The following IFT22 variants were observed in gnomAD, a reference collection of about 807,000 sequenced individuals.
IFT22 encodes intraflagellar transport 22, also known as intraflagellar transport protein 22 homolog.
Under a neutral mutation model 21.0 loss-of-function variants are expected in IFT22, and 13 were observed. The ratio of observed to expected loss-of-function variants is 0.62; its 90% confidence interval spans 0.40 to 0.98. The LOEUF is 0.98. IFT22 is among the 50% of genes least tolerant of loss of function. IFT22 has a pLI of 0.00. For synonymous variants in IFT22, 67 were observed against 82.4 expected, an observed-to-expected ratio of 0.81 and a Z score of 1.01; for missense variants, 227 against 228.9, an observed-to-expected ratio of 0.99 and a Z score of 0.06.
chr7:101,315,209 G>T lies in IFT22; in HGVS notation c.483C>A (p.Phe161Leu). ...EDDPEEIRMEFIKYLKSIINS... is the reference protein window; with the variant it reads ...EDDPEEIRMELIKYLKSIINS... ...TGATTATGCTTTTTAAATACTTTAT[G>T]AATTCCATCCGGATCTCCTCAGGGT... Residue 161 changes from phenylalanine (F) to leucine (L), a missense_variant, in exon 5 of 5, where the codon TTC (phenylalanine) becomes TTA (leucine). Transcript: ENST00000315322. The T allele has an allele frequency of 6.2e-7, 1 of 1,614,080 alleles. No individual in the cohort carries two copies. The highest frequency in any genetic ancestry group is 8.5e-7 in the Non-Finnish European group (1 of 1,179,998).
Position 101,318,990 on chromosome 7 carries a change from C to T in IFT22, c.82G>A (p.Asp28Asn). ...VLANFLTESS[D>N]ITEYSPTQGV... ...TGGGTTGGGCTGTATTCAGTGATGT[C>T]AGAAGATTCTGTCAGAAAGTTGGCC... Residue 28 changes from aspartate to asparagine, a missense_variant, in exon 2 of 5, where the codon GAC (aspartate) becomes AAC (asparagine). Coordinates refer to ENST00000315322, the MANE Select transcript of IFT22 (RefSeq NM_022777.4). 1 of 1,613,974 alleles carries T rather than the reference C, an allele frequency of 6.2e-7. No individual in the cohort carries two copies. Among genetic ancestry groups the T allele is most frequent in the Non-Finnish European group, 8.5e-7 (1 of 1,179,918 alleles).
At chr7:101,318,259 C>A (rs1790221873) in intron 2 of IFT22, 46 bp from the exon 3 acceptor site, 1 of 1,492,546 alleles carries the variant, frequency 6.7e-7, no homozygotes. Context: ...GTGGCTCACG[C>A]CTGTAATCTC....
chr7:101,320,210 G>C (rs1215822151), intron 1 of IFT22, among the ~76,000 whole-genome samples: 1 of 151,624 alleles, frequency 6.6e-6, no homozygotes, highest in Non-Finnish European at 1.5e-5. Flanking sequence ...ACCTGCATTG[G>C]CCTCCCAAAG....
At chr7:101,319,902 C>T (rs532956339) in intron 1 of IFT22, among the ~76,000 whole-genome samples, 104 of 152,128 alleles carry the variant, frequency 6.8e-4, no homozygotes, top group Non-Finnish European at 1.2e-3. Flanking sequence ...ACCTCAGCCT[C>T]CCAAAGTGCT....
chr7:101,315,251 G>A lies in IFT22; in HGVS notation c.441C>T (p.His147=). The change falls in exon 5 of 5, where the codon CAC becomes CAT. Residue 147 remains histidine (H), a synonymous_variant. Coordinates refer to ENST00000315322, the MANE Select transcript of IFT22 (RefSeq NM_022777.4). ...CCTCAGGGTCATCTTCCAGGTTTGA[G>A]TGCACCAGCTTCAGCTTGTTCAAGG... ...SPPLNKLKLV[H]SNLEDDPEEI... The A allele has an allele frequency of 6.2e-7, 1 of 1,614,112 alleles. No homozygotes were observed. Among genetic ancestry groups the A allele is most frequent in the Non-Finnish European group, 8.5e-7 (1 of 1,180,016 alleles).
At chr7:101,318,411 TG>T in intron 2 of IFT22, 198 bp from the exon 3 acceptor site, 1 of 430,780 alleles carries the variant, frequency 2.3e-6, no homozygotes, top group Non-Finnish European at 4.3e-6. Context: ...TCTCAGCTAC[TG>T]GGGAGGCTAA....
chr7:101,320,460 C>A (rs908558196), intron 1 of IFT22, among the ~76,000 whole-genome samples: 5 of 150,050 alleles, frequency 3.3e-5, no homozygotes, highest in Non-Finnish European at 5.9e-5. Flanking sequence ...GGGGTTTCAC[C>A]GTGTTAGCCA....
intron 1 of IFT22, among the ~76,000 whole-genome samples, chr7:101,319,857 C>T (rs556830729): frequency 3.3e-5 from 5 of 152,018 alleles, no homozygotes; most frequent in Admixed American, 6.6e-5. Flanking sequence ...GTTGCCCAGG[C>T]TGGTCTTGAA....
Position 101,321,719 on chromosome 7 carries a change from C to CCG in IFT22, c.-12_-11dup. ...TCTTGGCTTTCAGCATAGTTGTCCG[C>CCG]CGCGGCTTAGCCGGCCGGAGCCCAC... On this transcript the variant is annotated 5_prime_UTR_variant, in exon 1 of 5. Transcript: ENST00000315322. The CCG allele has an allele frequency of 6.3e-7, 1 of 1,595,366 alleles. No homozygotes were observed. Among genetic ancestry groups the CCG allele is most frequent in the Non-Finnish European group, 8.5e-7 (1 of 1,170,734 alleles).
At chr7:101,316,660 C>T (rs1338922289) in intron 3 of IFT22, 118 bp from the exon 4 acceptor site, 7 of 952,438 alleles carry the variant, frequency 7.3e-6, no homozygotes, top group South Asian at 1.6e-5. Context: ...CGTGGTGGCT[C>T]ACACCTGTAA....
intron 1 of IFT22, among the ~76,000 whole-genome samples, chr7:101,319,264 A>T (rs1275965690): frequency 6.6e-6 from 1 of 152,212 alleles, no homozygotes; most frequent in East Asian, 1.9e-4. Flanking sequence ...TTTTTGAGAC[A>T]GAGTTTCACT....
intron 3 of IFT22, among the ~76,000 whole-genome samples, chr7:101,317,458 A>C (rs1305812105): frequency 6.8e-6 from 1 of 147,628 alleles, no homozygotes; most frequent in African/African-American, 2.5e-5. Flanking sequence ...TTTTAAAATG[A>C]GGTTTCATCA....
intron 2 of IFT22, 65 bp from the exon 3 acceptor site, chr7:101,318,278 G>T: frequency 7.8e-7 from 1 of 1,274,050 alleles, no homozygotes; most frequent in Admixed American, 1.8e-5. Context: ...TCAGCAGTCT[G>T]GGAGGCCAAG....
intron 1 of IFT22, among the ~76,000 whole-genome samples, chr7:101,320,813 G>A (rs1378904763): frequency 6.6e-6 from 1 of 151,970 alleles, no homozygotes; most frequent in African/African-American, 2.4e-5. Flanking sequence ...GACCAGCCTA[G>A]GTGCTAGGCA....
intron 2 of IFT22, 169 bp from the exon 3 acceptor site, chr7:101,318,382 T>C (rs1223012620): frequency 2.1e-6 from 1 of 484,934 alleles, no homozygotes; most frequent in Non-Finnish European, 3.8e-6. Flanking sequence ...TAGCTGGGCA[T>C]GATGGTGTGC....
At chr7:101,319,974 T>C (rs1790284046) in intron 1 of IFT22, among the ~76,000 whole-genome samples, 1 of 151,710 alleles carries the variant, frequency 6.6e-6, no homozygotes, top group South Asian at 2.1e-4. Context: ...ATTTTTTTTT[T>C]AGATGGAGTT....
Position 101,321,679 on chromosome 7 carries a change from G to T in IFT22, c.31C>A (p.Pro11Thr), listed in dbSNP as rs748793957. Residue 11 changes from proline (P) to threonine (T), a missense_variant, in exon 1 of 5, where the codon CCT becomes ACT. Coordinates refer to ENST00000315322, the MANE Select transcript of IFT22 (RefSeq NM_022777.4). MLKAKILFVG[P>T]CESGKTVLAN... ...GCCGGGCCAGGACTTACCTCGCAAG[G>T]CCCCACGAAGAGGATCTTGGCTTTC... The T allele has an allele frequency of 5.0e-6, 8 of 1,603,186 alleles. No individual in the cohort carries two copies. The highest frequency in any genetic ancestry group is 4.0e-5 in the African/African-American group (3 of 74,786).
chr7:101,320,557 CCTTT>C (rs369260132), intron 1 of IFT22, among the ~76,000 whole-genome samples: 21,307 of 129,940 alleles, frequency 0.16, 1,654 homozygotes, highest in African/African-American at 0.19. Context: ...CCGCGCCCGG[CCTTT>C]TTTTTTTTTT....
At position 101,313,833 on chromosome 7, in the gene IFT22, CTTA is replaced by C. The variant is rs923112050; in HGVS notation, c.*1298_*1300del. The C allele has an allele frequency of 2.6e-5, 4 of 151,840 alleles. No individual in the cohort carries two copies. Among genetic ancestry groups the C allele is most frequent in the African/African-American group, 7.3e-5 (3 of 41,258 alleles). The allele number at this position is 151,840 out of a possible 1,614,324, so 9.4% of individuals were successfully genotyped here. The stretch of plus-strand genomic sequence containing the variant: ...ATCTGAGGGAGGGCAGCATATGAAA[CTTA>C]TTTAGACTTCTTCTTAAACATTTAA... On this transcript the variant is annotated 3_prime_UTR_variant, in exon 5 of 5. Transcript: ENST00000315322.
Sources: allele counts gnomAD v4.1 joint callset (sites outside exome capture counted in the v4.1 genomes callset), GRCh38; gene constraint gnomAD v4.1.1; transcripts MANE v1.5; gene names NCBI Gene and HGNC (gene_info 2026-07-23, HGNC 2026-07-21).